The following DNAH9 variants were observed in gnomAD, a reference collection of about 807,000 sequenced individuals.
DNAH9 encodes the protein dynein axonemal heavy chain 9.
DNAH9 carries 345 observed loss-of-function variants against 471.6 expected under a neutral mutation model. The observed-to-expected ratio is 0.73, with a 90% CI of 0.67 to 0.80. The LOEUF (loss-of-function observed/expected upper bound fraction) is 0.80. Among genes scored for constraint, DNAH9 ranks in the 30% least tolerant of loss-of-function variants. The pLI, the probability that DNAH9 is intolerant of heterozygous loss-of-function variation, is 0.00. For missense variants in DNAH9, 5,407 were observed against 5,609.2 expected, an observed-to-expected ratio of 0.96 and a Z score of 1.15; for synonymous variants, 2,093 against 2,123.6, an observed-to-expected ratio of 0.99 and a Z score of 0.40.
At chr17:11,897,999 C>A (rs376898457) in intron 59 of DNAH9, among the ~76,000 whole-genome samples, 9 of 152,224 alleles carry the variant, frequency 5.9e-5, no homozygotes, top group African/African-American at 2.2e-4. Context: ...CTTTTGATAG[C>A]CCCTGGTGTC....
At chr17:11,930,569 C>A (rs1974473613) in intron 63 of DNAH9, among the ~76,000 whole-genome samples, 1 of 151,994 alleles carries the variant, frequency 6.6e-6, no homozygotes, top group Admixed American at 6.6e-5. Flanking sequence ...GCATGTTAGA[C>A]CCCCTAAAGT....
rs367566218 is a variant in DNAH9, at chr17:11,693,849, T to C, written c.4615-19T>C. 6.2e-7 allele frequency: 1 copy of C among 1,614,050 alleles called. No homozygotes were observed. The highest frequency in any genetic ancestry group is 8.5e-7 in the Non-Finnish European group (1 of 1,179,954). On this transcript the variant is annotated intron_variant, in intron 20 of 68. Transcript: ENST00000262442. ...CTGAGTGGAGTGGTGGTTAATTGCT[T>C]CCACATTTTTATTTGCAGGATTCTA...
intron 30 of DNAH9, 71 bp downstream of exon 30, chr17:11,742,384 A>T: frequency 6.7e-7 from 1 of 1,498,230 alleles, no homozygotes; most frequent in East Asian, 2.3e-5. Context: ...GTTCTGGAAC[A>T]AATGTATTAG....
intron 61 of DNAH9, 110 bp from the exon 62 acceptor site, chr17:11,923,704 G>A (rs1225190235): frequency 1.5e-6 from 2 of 1,356,638 alleles, no homozygotes; most frequent in African/African-American, 1.5e-5. Flanking sequence ...TTATAGATTT[G>A]GGCATGCCCG....
chr17:11,701,634 T>G (rs8075309), intron 24 of DNAH9, among the ~76,000 whole-genome samples: 1,975 of 152,270 alleles, frequency 0.013, 53 homozygotes, highest in African/African-American at 0.044. Context: ...GGAACTGAAC[T>G]GCTGACACAT....
intron 32 of DNAH9, among the ~76,000 whole-genome samples, chr17:11,752,077 A>G (rs1336071630): frequency 6.6e-6 from 1 of 152,210 alleles, no homozygotes; most frequent in Non-Finnish European, 1.5e-5. Context: ...TGTATTAGGG[A>G]CATAAAGCCA....
At chr17:11,818,191 G>A (rs1368502105) in intron 45 of DNAH9, among the ~76,000 whole-genome samples, 1 of 152,238 alleles carries the variant, frequency 6.6e-6, no homozygotes, top group East Asian at 1.9e-4. Flanking sequence ...AGCACTTTGG[G>A]AGGCCGAGGC....
chr17:11,669,738 T>C lies in DNAH9; in HGVS notation c.3297T>C (p.Ile1099=), dbSNP rs1352674121. The change falls in exon 17 of 69, where the codon ATT becomes ATC. Residue 1099 remains isoleucine (I), a synonymous_variant. Coordinates refer to ENST00000262442, the MANE Select transcript of DNAH9 (RefSeq NM_001372.4). ...IRPFKASLLN[I]IKRWSLLFKQ... ...CCTTTAAGGCATCTCTGCTGAATAT[T>C]ATTAAGAGGTGGAGCCTCCTGTTCA... is the stretch of plus-strand genomic sequence containing the variant. 6 of 1,614,190 alleles carry C rather than the reference T, an allele frequency of 3.7e-6. No individual in the cohort carries two copies. The highest frequency in any genetic ancestry group is 5.1e-6 in the Non-Finnish European group (6 of 1,180,022).
Position 11,822,037 on chromosome 17 carries a change from T to A in DNAH9, c.8825T>A (p.Ile2942Lys), listed in dbSNP as rs142764502. 1.2e-6 allele frequency: 2 copies of A among 1,613,664 alleles called. No individual in the cohort carries two copies. The highest frequency in any genetic ancestry group is 1.1e-5 in the South Asian group (1 of 90,984). ...DNRENCWKFF[I>K]DRIRRQLKVT... ...AGAGAGAACTGTTGGAAGTTCTTTA[T>A]AGATCGGATCCGGCGACAGCTGAAG... is the stretch of plus-strand genomic sequence containing the variant. Residue 2942 changes from isoleucine to lysine, a missense_variant, in exon 46 of 69, where the codon ATA (isoleucine) becomes AAA (lysine). Physicochemically the swap from Ile to Lys is moderately radical, Grantham distance 102. This residue lies in a region of DNAH9 where 4,636 missense variants were observed against 4,900.3 expected (regional missense o/e 0.95). Coordinates refer to ENST00000262442, the MANE Select transcript of DNAH9 (RefSeq NM_001372.4).
intron 1 of DNAH9, among the ~76,000 whole-genome samples, chr17:11,601,114 C>CCGCCTATCGTCAT (rs1441022152): frequency 6.6e-6 from 1 of 152,300 alleles, no homozygotes; most frequent in East Asian, 1.9e-4. Context: ...CATATCGTCA[C>CCGCCTATCGTCAT]CGCCTATCGT....
intron 45 of DNAH9, among the ~76,000 whole-genome samples, chr17:11,810,908 G>A (rs1471214493): frequency 6.6e-6 from 1 of 152,232 alleles, no homozygotes; most frequent in African/African-American, 2.4e-5. Flanking sequence ...ACTTGACAGA[G>A]AGTGTGAAGT....
intron 1 of DNAH9, 34 bp downstream of exon 1, chr17:11,598,949 G>C (rs1207289177): frequency 1.4e-6 from 2 of 1,434,034 alleles, no homozygotes. Context: ...CGCGGCTAAA[G>C]CTGGGTGGGG....
chr17:11,832,662 C>A (rs7221106), intron 48 of DNAH9, among the ~76,000 whole-genome samples: 53,790 of 152,036 alleles, frequency 0.35, 9,653 homozygotes, highest in East Asian at 0.44. Flanking sequence ...TTGATCTGCC[C>A]TGAAAAGGGA....
At chr17:11,602,255 T>G (rs986995907) in intron 1 of DNAH9, among the ~76,000 whole-genome samples, 1 of 152,194 alleles carries the variant, frequency 6.6e-6, no homozygotes, top group African/African-American at 2.4e-5. Flanking sequence ...GCAGGGTTGC[T>G]ATGAAATTTA....
intron 61 of DNAH9, among the ~76,000 whole-genome samples, chr17:11,915,278 C>A (rs1380726263): frequency 6.6e-6 from 1 of 152,090 alleles, no homozygotes; most frequent in Non-Finnish European, 1.5e-5. Flanking sequence ...GTAATCCCAG[C>A]ATTTTGGGAG....
chr17:11,706,227 C>T (rs1385070917), intron 26 of DNAH9, among the ~76,000 whole-genome samples: 1 of 152,118 alleles, frequency 6.6e-6, no homozygotes, highest in African/African-American at 2.4e-5. Context: ...CACATTTATT[C>T]AGTACCTCTT....
intron 28 of DNAH9, among the ~76,000 whole-genome samples, chr17:11,730,334 C>T (rs747619341): frequency 5.9e-5 from 9 of 152,078 alleles, no homozygotes; most frequent in Non-Finnish European, 1.3e-4. Flanking sequence ...AAATCAAGGG[C>T]GTTTTTGCTC....
chr17:11,853,969 A>G (rs1414428211), intron 49 of DNAH9, 34 bp from the exon 50 acceptor site: 8 of 1,598,932 alleles, frequency 5.0e-6, no homozygotes, highest in Non-Finnish European at 6.8e-6. Flanking sequence ...AAGCCCATTC[A>G]TGTTCCCCTA....
chr17:11,925,319 C>A, intron 62 of DNAH9: 1 of 398,096 alleles, frequency 2.5e-6, no homozygotes, highest in South Asian at 1.9e-5. Flanking sequence ...GCTTTCACTA[C>A]CATGAACCTC....
Sources: allele counts gnomAD v4.1 joint callset (sites outside exome capture counted in the v4.1 genomes callset), GRCh38; gene constraint gnomAD v4.1.1; regional missense constraint gnomAD v4.1.1; transcripts MANE v1.5; gene names NCBI Gene and HGNC (gene_info 2026-07-23, HGNC 2026-07-21).